The following ETNK2 variants were observed in gnomAD, a reference collection of about 807,000 sequenced individuals.
ETNK2 encodes the protein ethanolamine kinase-like protein.
ETNK2 carries 33 observed loss-of-function variants against 46.2 expected under a neutral mutation model. That is an observed-to-expected ratio of 0.71 (90% CI 0.54 to 0.96). The LOEUF (loss-of-function observed/expected upper bound fraction) is 0.96, where lower values mean the gene tolerates loss of function less well. Ranked by LOEUF, ETNK2 falls within the 40% of genes least tolerant of loss-of-function variation. The probability of loss-of-function intolerance (pLI) is 0.00; values close to 1 mark genes in which losing one functional copy is unlikely to be tolerated. For synonymous variants in ETNK2, 194 were observed against 209.0 expected, an observed-to-expected ratio of 0.93 and a Z score of 0.62; for missense variants, 445 against 509.7, an observed-to-expected ratio of 0.87 and a Z score of 1.22.
chr1:204,147,561 A>AC (rs761381453), intron 2 of ETNK2: 3 of 532,062 alleles, frequency 5.6e-6, no homozygotes, highest in African/African-American at 1.9e-5. Context: ...CCGCTGTCCC[A>AC]CCCCCCAACC....
intron 3 of ETNK2, among the ~76,000 whole-genome samples, chr1:204,143,432 G>C (rs866170999): frequency 4.1e-4 from 48 of 117,004 alleles, no homozygotes; most frequent in African/African-American, 1.4e-3. Context: ...CTATCTCCCC[G>C]GGGCCTCCCT....
chr1:204,132,308 C>T, intron 7 of ETNK2, 52 bp from the exon 8 acceptor site: 10 of 1,452,622 alleles, frequency 6.9e-6, no homozygotes, highest in Non-Finnish European at 9.5e-6. Context: ...CCAGGTGGGC[C>T]CTGCTGGGGG....
At chr1:204,143,492 T>A (rs974648908) in intron 3 of ETNK2, among the ~76,000 whole-genome samples, 1 of 152,108 alleles carries the variant, frequency 6.6e-6, no homozygotes, top group South Asian at 2.1e-4. Context: ...CCAGCTTTGC[T>A]ACCTTCAGTC....
intron 7 of ETNK2, among the ~76,000 whole-genome samples, chr1:204,132,753 C>T (rs1297198501): frequency 6.6e-6 from 1 of 151,914 alleles, no homozygotes; most frequent in Non-Finnish European, 1.5e-5. Context: ...TTAACTTCAA[C>T]TACATTTTTT....
rs6685005 is a variant in ETNK2 at position 204,146,567 on chromosome 1, G to T, written c.641+75C>A. On this transcript the variant is annotated intron_variant, in intron 3 of 7. Coordinates refer to ENST00000367202, the MANE Select transcript of ETNK2 (RefSeq NM_018208.4). ...ACCTAAGCCCTTAAACCTCCTAGCAGGGTGGGCTGGAGCCAAAAGGATGGG... is the reference window on the plus strand; with the variant it reads ...ACCTAAGCCCTTAAACCTCCTAGCATGGTGGGCTGGAGCCAAAAGGATGGG... 1,243 of 1,577,078 alleles carry T rather than the reference G, an allele frequency of 7.9e-4. 6 individuals carry two copies. In the African/African-American group the frequency reaches 0.012, roughly 15 times the overall value.
At chr1:204,147,437 G>A (rs773736080) in intron 2 of ETNK2, 2 of 533,402 alleles carry the variant, frequency 3.7e-6, no homozygotes, top group Admixed American at 3.9e-5. Flanking sequence ...CTGGGAGAAG[G>A]TGGGGGTGAA....
intron 3 of ETNK2, among the ~76,000 whole-genome samples, chr1:204,144,374 T>C (rs1365131190): frequency 1.2e-5 from 1 of 80,626 alleles, no homozygotes; most frequent in Non-Finnish European, 2.7e-5. Context: ...AAAAAAGCCA[T>C]TTCCTAGGGG....
At position 204,151,609 on chromosome 1, in the gene ETNK2, G is replaced by T. The variant is rs1283856758; in HGVS notation, c.244C>A (p.Gln82Lys). Residue 82 changes from glutamine to lysine, a missense_variant, in exon 1 of 8, where the codon CAA becomes AAA. Gln to Lys is a moderately conservative substitution (Grantham distance 53, BLOSUM62 1). Transcript: ENST00000367202. This position sits in a 1 kb window ranked among gnomAD's most constrained non-coding sequence, Gnocchi z 8.0. ...CACTCCGCTACCTTGGTCCGAACTTGCTCGGGTTTCCAATGCGGCCGCAGC... is the reference window on the plus strand; with the variant it reads ...CACTCCGCTACCTTGGTCCGAACTTTCTCGGGTTTCCAATGCGGCCGCAGC... ...QELRPHWKPE[Q>K]VRTKRFTDGI... The T allele has an allele frequency of 1.9e-6, 3 of 1,548,424 alleles. No homozygotes were observed. In the East Asian group the frequency reaches 7.4e-5, roughly 38 times the overall value.
chr1:204,142,284 C>A (rs1657582874), intron 3 of ETNK2: 1 of 152,256 alleles, frequency 6.6e-6, no homozygotes, highest in Non-Finnish European at 1.5e-5. Context: ...TGTCCCAGAC[C>A]CCTGCCATAT....
intron 7 of ETNK2, 50 bp from the exon 8 acceptor site, chr1:204,132,306 G>C: frequency 6.9e-7 from 1 of 1,457,322 alleles, no homozygotes; most frequent in Non-Finnish European, 9.4e-7. Context: ...AGCCAGGTGG[G>C]CCCTGCTGGG....
chr1:204,151,194 G>A lies in ETNK2; in HGVS notation c.258+401C>T, dbSNP rs1657989452. The A allele has an allele frequency of 6.3e-6, 2 of 316,878 alleles. No homozygotes were observed. The highest frequency in any genetic ancestry group is 1.0e-4 in the Admixed American group (2 of 19,600). 19.6% of individuals were successfully genotyped at this position (316,878 alleles called of 1,614,324 possible). On this transcript the variant is annotated intron_variant, in intron 1 of 7. Transcript: ENST00000367202. This position sits in a 1 kb window ranked among gnomAD's most constrained non-coding sequence, Gnocchi z 8.0. ...GGGTGGAGAAGGGGCAGCAATGTAT[G>A]CATGTATGGCTGGGTCGGGGGGGCG...
At position 204,131,811 on chromosome 1, in the gene ETNK2, C is replaced by T. The variant is rs983278247; in HGVS notation, c.*373G>A. The T allele has an allele frequency of 2.1e-5, 5 of 241,150 alleles. No individual in the cohort carries two copies. Among genetic ancestry groups the T allele is most frequent in the South Asian group, 7.1e-5 (1 of 14,000 alleles). 14.9% of individuals were successfully genotyped at this position (241,150 alleles called of 1,614,324 possible). A position where few individuals can be genotyped will look rare whatever the true frequency, so the allele number is the denominator to read the frequency against. The stretch of plus-strand genomic sequence containing the variant: ...ACTGGAGGTAGAAAGGAGCCCTCCC[C>T]GCCTCCTTCCCCAGGCCAGGAAGGG... On this transcript the variant is annotated 3_prime_UTR_variant, in exon 8 of 8. Transcript: ENST00000367202. The surrounding 1 kb of genome is among the most constrained non-coding windows in gnomAD (Gnocchi z 4.3).
intron 7 of ETNK2, among the ~76,000 whole-genome samples, chr1:204,132,717 G>A (rs1210488071): frequency 6.6e-6 from 1 of 151,836 alleles, no homozygotes; most frequent in Admixed American, 6.6e-5. Flanking sequence ...ACAGGCATGA[G>A]CCACCGTGCC....
At chr1:204,136,403 G>GTATA (rs35373627) in intron 6 of ETNK2, among the ~76,000 whole-genome samples, 5,682 of 139,644 alleles carry the variant, frequency 0.041, 297 homozygotes, top group African/African-American at 0.11. Flanking sequence ...CTCAAAAAAA[G>GTATA]TATATATATA....
At position 204,151,181 on chromosome 1, in the gene ETNK2, G is replaced by A. The variant is rs1558240548; in HGVS notation, c.258+414C>T. The A allele has an allele frequency of 7.2e-6, 2 of 279,046 alleles. No individual in the cohort carries two copies. The highest frequency in any genetic ancestry group is 6.7e-6 in the Non-Finnish European group (1 of 148,256). The allele number at this position is 279,046 out of a possible 1,614,324, so 17.3% of individuals were successfully genotyped here. On this transcript the variant is annotated intron_variant, in intron 1 of 7. Coordinates refer to ENST00000367202, the MANE Select transcript of ETNK2 (RefSeq NM_018208.4). This position sits in a 1 kb window ranked among gnomAD's most constrained non-coding sequence, Gnocchi z 8.0. Reference sequence around the variant, plus strand: ...TGCTCCCACCATGGGGTGGAGAAGGGGCAGCAATGTATGCATGTATGGCTG... The same window carrying A: ...TGCTCCCACCATGGGGTGGAGAAGGAGCAGCAATGTATGCATGTATGGCTG...
chr1:204,134,885 C>A (rs547473014), intron 6 of ETNK2, among the ~76,000 whole-genome samples: 2 of 152,292 alleles, frequency 1.3e-5, no homozygotes, highest in South Asian at 4.1e-4. Context: ...TTCCCACAAC[C>A]TAAGCAGGAC....
chr1:204,137,782 C>A (rs1323450693), intron 5 of ETNK2, among the ~76,000 whole-genome samples: 1 of 152,126 alleles, frequency 6.6e-6, no homozygotes, highest in Non-Finnish European at 1.5e-5. Flanking sequence ...AAAACATCAC[C>A]TGGAGAGCAC....
intron 6 of ETNK2, among the ~76,000 whole-genome samples, chr1:204,135,149 T>A (rs1657233608): frequency 6.6e-6 from 1 of 152,166 alleles, no homozygotes; most frequent in Non-Finnish European, 1.5e-5. Context: ...CTGGTTGGGT[T>A]GGAAAATGAA....
chr1:204,140,826 CTTTTTTT>C (rs5780215), intron 4 of ETNK2, among the ~76,000 whole-genome samples: 1 of 137,116 alleles, frequency 7.3e-6, no homozygotes, highest in Non-Finnish European at 1.6e-5. Context: ...CCTGGCCAGA[CTTTTTTT>C]TTTTTTTTAA....
Sources: gnomAD v4.1 joint callset for allele counts (sites outside exome capture counted in the v4.1 genomes callset) on GRCh38, gnomAD v4.1.1 for gene constraint, Gnocchi (gnomAD v3.1) non-coding constraint, MANE v1.5 for transcripts, NCBI Gene and HGNC (gene_info 2026-07-23, HGNC 2026-07-21) for gene names.